Variants in FA2H observed in about 807,000 individuals in gnomAD.
FA2H encodes fatty acid alpha-hydroxylase.
Under a neutral mutation model 44.9 loss-of-function variants are expected in FA2H, and 22 were observed. The observed-to-expected ratio is 0.49, with a 90% CI of 0.35 to 0.70. The LOEUF (loss-of-function observed/expected upper bound fraction) is 0.70. FA2H is among the 30% of genes least tolerant of loss of function. The probability of loss-of-function intolerance (pLI) is 0.01; values close to 1 mark genes in which losing one functional copy is unlikely to be tolerated. For synonymous variants in FA2H, 243 were observed against 213.2 expected (o/e 1.14, Z -1.22); for missense variants, 501 against 504.9 (o/e 0.99, Z 0.07).
At chr16:74,771,055 T>C (rs934441994) in intron 1 of FA2H, among the ~76,000 whole-genome samples, 81 of 152,068 alleles carry the variant, frequency 5.3e-4, no homozygotes, top group African/African-American at 1.9e-3. Flanking sequence ...CAGGATGGTG[T>C]TGCGAGGACG....
At chr16:74,757,591 T>C (rs1962632605) in intron 1 of FA2H, among the ~76,000 whole-genome samples, 1 of 152,184 alleles carries the variant, frequency 6.6e-6, no homozygotes, top group South Asian at 2.1e-4. Flanking sequence ...GGAACAGCTG[T>C]TAAAAAGAAT....
chr16:74,765,736 T>A (rs1962798107), intron 1 of FA2H, among the ~76,000 whole-genome samples: 1 of 151,996 alleles, frequency 6.6e-6, no homozygotes, highest in Non-Finnish European at 1.5e-5. Context: ...AATTTTTTTG[T>A]AGACCTAAGG....
intron 4 of FA2H, among the ~76,000 whole-genome samples, chr16:74,722,481 A>C (rs1037196484): frequency 5.3e-5 from 8 of 152,150 alleles, no homozygotes; most frequent in Non-Finnish European, 8.8e-5. Flanking sequence ...GCCTGCAGTG[A>C]GCTGTGATTG....
At chr16:74,731,156 ATT>A (rs547324621) in intron 2 of FA2H, among the ~76,000 whole-genome samples, 4 of 136,086 alleles carry the variant, frequency 2.9e-5, no homozygotes, top group Non-Finnish European at 4.8e-5. Flanking sequence ...AATCTCTGCC[ATT>A]TTTTTTTTTT....
At chr16:74,729,880 C>T (rs1249230660) in intron 2 of FA2H, among the ~76,000 whole-genome samples, 1 of 151,850 alleles carries the variant, frequency 6.6e-6, no homozygotes, top group African/African-American at 2.4e-5. Context: ...ATCTTCAGCA[C>T]GGGGAGTCAG....
Position 74,719,192 on chromosome 16 carries a change from C to A in FA2H, c.614-32G>T, listed in dbSNP as rs771722151. 56 of 1,601,058 alleles carry A rather than the reference C, an allele frequency of 3.5e-5. No individual in the cohort carries two copies. The East Asian group carries it at 1.1e-3, about 33-fold the overall frequency. On this transcript the variant is annotated intron_variant, in intron 4 of 6. Transcript: ENST00000219368. ...GGTGGCAGGGAGAGCGAGGTGAGGA[C>A]CGGTGCATAGCAGCCTGGTAGCTCC...
chr16:74,726,268 G>T lies in FA2H; in HGVS notation c.570C>A (p.Thr190=), dbSNP rs138892784. ...AGAGTCGGACGTTGCCCTGGGCAAA[G>T]GTTCGGTAGTAGGACCAGCTGAGAT... ...VLYLSWSYYR[T]FAQGNVRLFT... Residue 190 remains threonine, a synonymous_variant, in exon 4 of 7, where the codon ACC becomes ACA. Coordinates refer to ENST00000219368, the MANE Select transcript of FA2H (RefSeq NM_024306.5). 1.3e-3 allele frequency: 2,045 copies of T among 1,614,074 alleles called. 5 individuals carry two copies. Among genetic ancestry groups the T allele is most frequent in the Admixed American group, 2.0e-3 (119 of 60,030 alleles).
rs756322979 is a variant in FA2H at position 74,714,239 on chromosome 16, T to C, written c.1070A>G (p.Tyr357Cys). Residue 357 changes from tyrosine (Y) to cysteine (C), a missense_variant, in exon 7 of 7, where the codon TAC becomes TGC. Physicochemically the swap from Tyr to Cys is radical, Grantham distance 194 (BLOSUM62 -2). Transcript: ENST00000219368. ...CTCTGGAGTGAGGGTGTGGAAACAG[T>C]AATCCCACAATTTAGTGCTGATACC... Reference protein sequence around the residue: ...GFGISTKLWDYCFHTLTPEKP... With the variant: ...GFGISTKLWDCCFHTLTPEKP... 1.3e-6 allele frequency: 2 copies of C among 1,564,562 alleles called. No individual in the cohort carries two copies. The highest frequency in any genetic ancestry group is 1.2e-5 in the South Asian group (1 of 84,844).
intron 1 of FA2H, among the ~76,000 whole-genome samples, chr16:74,765,382 C>T (rs1427496075): frequency 1.3e-5 from 2 of 152,192 alleles, no homozygotes; most frequent in African/African-American, 2.4e-5. Flanking sequence ...GTCTCGGACT[C>T]CTGACCTCAG....
chr16:74,717,176 A>G (rs1453456615), intron 5 of FA2H: 1 of 152,942 alleles, frequency 6.5e-6, no homozygotes, highest in African/African-American at 2.4e-5. Flanking sequence ...GAACCAGAGA[A>G]CACCGCTTCA....
intron 1 of FA2H, among the ~76,000 whole-genome samples, chr16:74,771,763 C>A (rs1962912143): frequency 6.6e-6 from 1 of 152,084 alleles, no homozygotes; most frequent in Non-Finnish European, 1.5e-5. Flanking sequence ...TGTCTAGAGA[C>A]TCTCCCGAAT....
At chr16:74,720,640 A>G (rs1218906189) in intron 4 of FA2H, among the ~76,000 whole-genome samples, 1 of 152,172 alleles carries the variant, frequency 6.6e-6, no homozygotes, top group Non-Finnish European at 1.5e-5. Context: ...GCTTTTTAGT[A>G]CACTCACAAA....
intron 1 of FA2H, among the ~76,000 whole-genome samples, chr16:74,768,599 A>C (rs1962850071): frequency 6.6e-6 from 1 of 152,178 alleles, no homozygotes; most frequent in Non-Finnish European, 1.5e-5. Flanking sequence ...GCAGTTCAGC[A>C]AATTCCCCAA....
At chr16:74,753,082 T>C (rs1233035111) in intron 1 of FA2H, among the ~76,000 whole-genome samples, 5 of 152,244 alleles carry the variant, frequency 3.3e-5, no homozygotes, top group Non-Finnish European at 7.3e-5. Flanking sequence ...CTTGCCCTCC[T>C]GTGTGGGTGT....
intron 1 of FA2H, among the ~76,000 whole-genome samples, chr16:74,756,167 A>G (rs1280276760): frequency 1.3e-5 from 2 of 152,132 alleles, no homozygotes; most frequent in Non-Finnish European, 2.9e-5. Context: ...AGCCTTGGTC[A>G]TCCACGCACA....
chr16:74,741,420 T>C (rs1028253348), intron 1 of FA2H, among the ~76,000 whole-genome samples: 1 of 152,242 alleles, frequency 6.6e-6, no homozygotes, highest in Non-Finnish European at 1.5e-5. Context: ...GGTCCTTTCT[T>C]AGTCTGTGTG....
chr16:74,730,896 G>A (rs753057925), intron 2 of FA2H, among the ~76,000 whole-genome samples: 9 of 152,106 alleles, frequency 5.9e-5, no homozygotes, highest in Non-Finnish European at 1.3e-4. Flanking sequence ...GCCCAAGGTC[G>A]CCCAGTTATG....
At chr16:74,764,188 T>C (rs1229959580) in intron 1 of FA2H, among the ~76,000 whole-genome samples, 5 of 152,086 alleles carry the variant, frequency 3.3e-5, no homozygotes, top group Non-Finnish European at 5.9e-5. Flanking sequence ...CACCTTACAA[T>C]ACCATGTCAC....
At chr16:74,717,383 A>G (rs34219496) in intron 5 of FA2H, among the ~76,000 whole-genome samples, 23,537 of 152,096 alleles carry the variant, frequency 0.15, 2,060 homozygotes, top group African/African-American at 0.23. Flanking sequence ...AGGACCAGTG[A>G]TGTGCTGGAA....
Sources: gnomAD v4.1 joint callset for allele counts (sites outside exome capture counted in the v4.1 genomes callset) on GRCh38, gnomAD v4.1.1 for gene constraint, MANE v1.5 for transcripts, NCBI Gene and HGNC (gene_info 2026-07-23, HGNC 2026-07-21) for gene names.